Variants in CDK5RAP2 observed in about 807,000 individuals in gnomAD.
The protein encoded by CDK5RAP2 is CDK5 regulatory subunit-associated protein 2.
A neutral mutation model predicts 232.9 loss-of-function variants in CDK5RAP2; 147 were observed. That is an observed-to-expected ratio of 0.63 (90% CI 0.55 to 0.72). The LOEUF is 0.72. CDK5RAP2 is among the 30% of genes least tolerant of loss of function. The probability of loss-of-function intolerance (pLI) is 0.00; values close to 1 mark genes in which losing one functional copy is unlikely to be tolerated. For missense variants in CDK5RAP2, 2,195 were observed against 2,231.5 expected (o/e 0.98, Z 0.33); for synonymous variants, 833 against 833.7 (o/e 1.00, Z 0.01).
Position 120,518,552 on chromosome 9 carries a change from T to G in CDK5RAP2, c.1186A>C (p.Arg396=). 6.2e-7 allele frequency: 1 copy of G among 1,613,860 alleles called. No individual in the cohort carries two copies. Among genetic ancestry groups the G allele is most frequent in the Non-Finnish European group, 8.5e-7 (1 of 1,179,994 alleles). The change falls in exon 12 of 38, where the codon AGA becomes CGA. Residue 396 remains arginine (R), a synonymous_variant. Transcript: ENST00000349780. The part of the protein sequence containing the change: ...QNLTKSTENH[R]LRRSIKKITQ... ...ATCTTCTTAATGCTTCTACGCAGTC[T>G]GTGGTTCTCTGTACTCTTGGTGAGG...
chr9:120,512,649 T>A (rs1464037767), intron 12 of CDK5RAP2, among the ~76,000 whole-genome samples: 1 of 152,210 alleles, frequency 6.6e-6, no homozygotes, highest in Non-Finnish European at 1.5e-5. Flanking sequence ...TACTGACGGT[T>A]TGGCATAGCA....
At chr9:120,489,091 A>C (rs2038759339) in intron 13 of CDK5RAP2, among the ~76,000 whole-genome samples, 1 of 152,358 alleles carries the variant, frequency 6.6e-6, no homozygotes, top group East Asian at 1.9e-4. Flanking sequence ...TTCTGCCCTC[A>C]CACTTGCTGA....
intron 25 of CDK5RAP2, 113 bp from the exon 26 acceptor site, chr9:120,422,854 CTG>C: frequency 1.3e-6 from 1 of 763,872 alleles, no homozygotes; most frequent in Non-Finnish European, 2.3e-6. Flanking sequence ...TTTAAACACT[CTG>C]TAACAATCCT....
intron 2 of CDK5RAP2, among the ~76,000 whole-genome samples, chr9:120,569,652 G>A (rs1295673748): frequency 1.3e-5 from 2 of 152,110 alleles, no homozygotes; most frequent in Admixed American, 6.6e-5. Context: ...AGGTGAGAGA[G>A]GTAAACAGGG....
intron 25 of CDK5RAP2, among the ~76,000 whole-genome samples, chr9:120,423,307 C>T (rs192319305): frequency 5.9e-5 from 9 of 152,288 alleles, no homozygotes; most frequent in Non-Finnish European, 7.3e-5. Flanking sequence ...CTATTTGACA[C>T]TTAGGTCATT....
chr9:120,517,078 A>G (rs376584830), intron 12 of CDK5RAP2, among the ~76,000 whole-genome samples: 4 of 152,328 alleles, frequency 2.6e-5, no homozygotes, highest in African/African-American at 9.6e-5. Context: ...GATGGTGCCT[A>G]TGACAGACTA....
chr9:120,523,612 C>T (rs529111698), intron 11 of CDK5RAP2, among the ~76,000 whole-genome samples: 11 of 152,302 alleles, frequency 7.2e-5, no homozygotes, highest in African/African-American at 2.4e-4. Context: ...AAAGATAAGT[C>T]ATGGGATATG....
rs1366572127 is a variant in CDK5RAP2, at chr9:120,554,462, C to CA, written c.196-3561dup. ...GCAGAAAGATTAGTGGCTTTGGAGA[C>CA]AATATTAAGTTCAATCTTAACTCTC... is the stretch of plus-strand genomic sequence containing the variant. On this transcript the variant is annotated intron_variant, in intron 3 of 37. Transcript: ENST00000349780. Among the ~76,000 whole-genome samples the CA allele has an allele frequency of 1.2e-4, 19 of 152,268 alleles. No homozygotes were observed. The East Asian group carries it at 3.7e-3, about 29-fold the overall frequency.
chr9:120,535,293 AT>A (rs1395960376), intron 7 of CDK5RAP2, among the ~76,000 whole-genome samples: 10 of 152,138 alleles, frequency 6.6e-5, no homozygotes, highest in African/African-American at 2.4e-4. Context: ...AGATAATCCT[AT>A]CCCAAAGATT....
chr9:120,458,011 G>A (rs2036877357), intron 20 of CDK5RAP2, among the ~76,000 whole-genome samples: 2 of 152,170 alleles, frequency 1.3e-5, no homozygotes, highest in Admixed American at 6.5e-5. Flanking sequence ...ACAACCTGTA[G>A]TATCTCCTCA....
At chr9:120,460,451 TGAA>T in intron 19 of CDK5RAP2, 118 bp downstream of exon 19, 2 of 893,792 alleles carry the variant, frequency 2.2e-6, no homozygotes, top group Non-Finnish European at 3.6e-6. Context: ...CACTGGCACA[TGAA>T]AGGTACAGGA....
At chr9:120,523,252 A>G (rs1371726999) in intron 11 of CDK5RAP2, among the ~76,000 whole-genome samples, 1 of 152,266 alleles carries the variant, frequency 6.6e-6, no homozygotes, top group Non-Finnish European at 1.5e-5. Context: ...TCTGGGTAAC[A>G]TTTAAATGTA....
chr9:120,423,814 G>A (rs976889358), intron 25 of CDK5RAP2, among the ~76,000 whole-genome samples: 3 of 152,224 alleles, frequency 2.0e-5, no homozygotes, highest in African/African-American at 7.2e-5. Context: ...AAACACCACA[G>A]TATAGAGGAA....
At chr9:120,466,692 C>T (rs149099993) in intron 18 of CDK5RAP2, among the ~76,000 whole-genome samples, 90 of 152,254 alleles carry the variant, frequency 5.9e-4, no homozygotes, top group African/African-American at 2.0e-3. Flanking sequence ...TCAAAATTAT[C>T]TAGAGTCCTG....
intron 3 of CDK5RAP2, among the ~76,000 whole-genome samples, chr9:120,554,328 C>CTGA (rs2042147903): frequency 6.6e-6 from 1 of 152,164 alleles, no homozygotes; most frequent in Non-Finnish European, 1.5e-5. Flanking sequence ...GAAGCGAGTG[C>CTGA]TGATGATATT....
At chr9:120,423,911 T>C (rs1361888402) in intron 25 of CDK5RAP2, among the ~76,000 whole-genome samples, 1 of 152,144 alleles carries the variant, frequency 6.6e-6, no homozygotes, top group African/African-American at 2.4e-5. Flanking sequence ...GCCATCCAGG[T>C]TCCCTATCGC....
rs1008775301 is a variant in CDK5RAP2, at chr9:120,403,270, T to C, written c.5042-199A>G. ...CACACTGGGCTTATGAGTCATCTTG[T>C]AGGAGAGGCTCAAGTCAACTCAACC... is the stretch of plus-strand genomic sequence containing the variant. On this transcript the variant is annotated intron_variant, in intron 33 of 37. Transcript: ENST00000349780. The surrounding 1 kb of genome is among the most constrained non-coding windows in gnomAD (Gnocchi z 4.2). 1 of 582,926 alleles carries C rather than the reference T, an allele frequency of 1.7e-6. No individual in the cohort carries two copies. Among genetic ancestry groups the C allele is most frequent in the African/African-American group, 1.9e-5 (1 of 53,636 alleles). The allele number at this position is 582,926 out of a possible 1,614,324, so 36.1% of individuals were successfully genotyped here. A position where few individuals can be genotyped will look rare whatever the true frequency, so the allele number is the denominator to read the frequency against.
At chr9:120,505,352 G>C (rs1046223235) in intron 12 of CDK5RAP2, among the ~76,000 whole-genome samples, 1 of 152,108 alleles carries the variant, frequency 6.6e-6, no homozygotes, top group Admixed American at 6.5e-5. Context: ...ACGGATAAAA[G>C]TGTATTCCAA....
At chr9:120,471,071 T>C (rs1013068500) in intron 16 of CDK5RAP2, among the ~76,000 whole-genome samples, 2 of 152,134 alleles carry the variant, frequency 1.3e-5, no homozygotes. Flanking sequence ...AAAAGTTAGG[T>C]GCCTAGCACT....
Sources: gnomAD v4.1 joint callset for allele counts (sites outside exome capture counted in the v4.1 genomes callset) on GRCh38, gnomAD v4.1.1 for gene constraint, Gnocchi (gnomAD v3.1) non-coding constraint, MANE v1.5 for transcripts, NCBI Gene and HGNC (gene_info 2026-07-23, HGNC 2026-07-21) for gene names.